Variants in TRANK1 observed in about 807,000 individuals in gnomAD.
TRANK1 encodes tetratricopeptide repeat and ankyrin repeat containing 1.
A neutral mutation model predicts 266.0 loss-of-function variants in TRANK1; 198 were observed. The ratio of observed to expected loss-of-function variants is 0.74; its 90% CI spans 0.66 to 0.84. TRANK1 has a LOEUF of 0.84. Among genes scored for constraint, TRANK1 ranks in the 40% least tolerant of loss-of-function variants. TRANK1 has a pLI of 0.00. For synonymous variants in TRANK1, 1,396 were observed against 1,384.1 expected (o/e 1.01, Z -0.19); for missense variants, 3,326 against 3,634.6 (o/e 0.92, Z 2.18).
At position 36,833,869 on chromosome 3, in the gene TRANK1, T is replaced by C. The variant is rs2078732733; in HGVS notation, c.5714A>G (p.Tyr1905Cys). Residue 1905 changes from tyrosine (Y) to cysteine (C), a missense_variant, in exon 22 of 24, where the codon TAT becomes TGT. Coordinates refer to ENST00000645898, the MANE Select transcript of TRANK1 (RefSeq NM_001329998.2). The stretch of plus-strand genomic sequence containing the variant: ...TTCCAAGTAAAACTGACTGGCAGAA[T>C]AGGAGAGCTTGGAAATGGGAAGGGT... ...TKTLPISKLS[Y>C]SASQFYLEAA... 6.2e-7 allele frequency: 1 copy of C among 1,613,860 alleles called. No homozygotes were observed. Among genetic ancestry groups the C allele is most frequent in the Non-Finnish European group, 8.5e-7 (1 of 1,179,880 alleles).
intron 23 of TRANK1, 78 bp downstream of exon 23, chr3:36,829,486 G>A (rs1375138625): frequency 2.0e-6 from 3 of 1,467,570 alleles, no homozygotes; most frequent in Non-Finnish European, 2.8e-6. Context: ...CCCCACTTCA[G>A]ATTCCCCCCG....
At chr3:36,932,607 CAG>C (rs2080375152) in intron 1 of TRANK1, among the ~76,000 whole-genome samples, 1 of 152,160 alleles carries the variant, frequency 6.6e-6, no homozygotes, top group Non-Finnish European at 1.5e-5. Flanking sequence ...TTAGAGCTAT[CAG>C]AGTGTCAAAA....
At chr3:36,852,406 T>C in intron 13 of TRANK1, 61 bp from the exon 14 acceptor site, 1 of 1,446,332 alleles carries the variant, frequency 6.9e-7, no homozygotes, top group Non-Finnish European at 9.2e-7. Flanking sequence ...TTTTTGGTTA[T>C]TTGGGGTGGG....
In TRANK1 at chr3:36,832,396, T is replaced by C; in HGVS notation, c.7187A>G (p.Asp2396Gly). The C allele has an allele frequency of 6.2e-7, 1 of 1,614,060 alleles. No individual in the cohort carries two copies. The highest frequency in any genetic ancestry group is 8.5e-7 in the Non-Finnish European group (1 of 1,179,900). ...KFGMLAPNRD[D>G]ENMDKTHLCF... The stretch of plus-strand genomic sequence containing the variant: ...CAGGTGGGTCTTGTCCATATTTTCA[T>C]CATCCCTGTTGGGTGCCAGCATGCC... Residue 2396 changes from aspartate (D) to glycine (G), a missense_variant, in exon 22 of 24, where the codon GAT becomes GGT. Transcript: ENST00000645898.
In TRANK1 at chr3:36,856,623, G is replaced by T. The variant is rs571848460; in HGVS notation, c.3099C>A (p.Ser1033Arg). The change falls in exon 13 of 24, where the codon AGC becomes AGA. Residue 1033 changes from serine to arginine, a missense_variant. Physicochemically the swap from Ser to Arg is moderately radical, Grantham distance 110. Coordinates refer to ENST00000645898, the MANE Select transcript of TRANK1 (RefSeq NM_001329998.2). ...TGAGGATGTTAAAGGCCATGTTGGT[G>T]CTGAAGCTGTGGAACTTCATGATGT... ...EYNIMKFHSF[S>R]TNMAFNILND... 6.2e-7 allele frequency: 1 copy of T among 1,614,020 alleles called. No individual in the cohort carries two copies. Among genetic ancestry groups the T allele is most frequent in the Admixed American group, 1.7e-5 (1 of 60,014 alleles).
intron 1 of TRANK1, among the ~76,000 whole-genome samples, chr3:36,914,285 C>T (rs2080094804): frequency 6.6e-6 from 1 of 151,982 alleles, no homozygotes. Flanking sequence ...AGGCGCACGC[C>T]ACCATGCCAG....
At chr3:36,914,700 C>T (rs760928690) in intron 1 of TRANK1, among the ~76,000 whole-genome samples, 1 of 151,872 alleles carries the variant, frequency 6.6e-6, no homozygotes, top group Non-Finnish European at 1.5e-5. Flanking sequence ...TGCAATGGCG[C>T]GATCTCGGCT....
chr3:36,827,796 C>T lies in TRANK1; in HGVS notation c.*479G>A, dbSNP rs1409073031. 6.5e-6 allele frequency: 1 copy of T among 153,930 alleles called. No homozygotes were observed. The highest frequency in any genetic ancestry group is 1.4e-5 in the Non-Finnish European group (1 of 69,062). The allele number at this position is 153,930 out of a possible 1,614,324, so 9.5% of individuals were successfully genotyped here. On this transcript the variant is annotated 3_prime_UTR_variant, in exon 24 of 24. Coordinates refer to ENST00000645898, the MANE Select transcript of TRANK1 (RefSeq NM_001329998.2). Reference sequence around the variant, plus strand: ...TCGGGGTGGCCAGTGGCAGGGCCCACCCCTGGGCACATACAGCTCTCATAG... The same window carrying T: ...TCGGGGTGGCCAGTGGCAGGGCCCATCCCTGGGCACATACAGCTCTCATAG...
At chr3:36,860,408 C>T (rs780158966) in intron 11 of TRANK1, among the ~76,000 whole-genome samples, 11 of 152,188 alleles carry the variant, frequency 7.2e-5, no homozygotes, top group African/African-American at 1.4e-4. Flanking sequence ...CACCCAGCCA[C>T]GCATGATAGT....
intron 18 of TRANK1, among the ~76,000 whole-genome samples, chr3:36,839,854 C>CT (rs1188718778): frequency 6.6e-6 from 1 of 152,162 alleles, no homozygotes. Context: ...AAGGGGCATT[C>CT]TAAAAACCCT....
intron 1 of TRANK1, among the ~76,000 whole-genome samples, chr3:36,909,371 G>T (rs529721954): frequency 6.6e-6 from 1 of 152,282 alleles, no homozygotes; most frequent in African/African-American, 2.4e-5. Flanking sequence ...CCACATGGGG[G>T]GCCTTGGTAA....
At chr3:36,926,962 CA>C (rs766860477) in intron 1 of TRANK1, among the ~76,000 whole-genome samples, 9 of 152,192 alleles carry the variant, frequency 5.9e-5, no homozygotes. Flanking sequence ...AGTTTATTTG[CA>C]CCTTGTATTG....
Position 36,858,791 on chromosome 3 carries a change from G to T in TRANK1, c.1599C>A (p.Asp533Glu), listed in dbSNP as rs933849433. 1.3e-6 allele frequency: 2 copies of T among 1,537,148 alleles called. No individual in the cohort carries two copies. Among genetic ancestry groups the T allele is most frequent in the East Asian group, 2.4e-5 (1 of 40,934 alleles). ...LAFLLLTKGA[D>E]PRAISLTEGD... ...CTTCCGTGAGAGAAATAGCACGGGG[G>T]TCTGCGCCCTTGGTCAAGAGAAGGA... Residue 533 changes from aspartate to glutamate, a missense_variant, in exon 12 of 24, where the codon GAC (aspartate) becomes GAA (glutamate). Coordinates refer to ENST00000645898, the MANE Select transcript of TRANK1 (RefSeq NM_001329998.2).
At position 36,846,981 on chromosome 3, in the gene TRANK1, G is replaced by A. The variant is rs58557581; in HGVS notation, c.5034+219C>T. ...TAGAAAGGACAACCCTTCTCCTTCCGTTTTCAGACAGTATCCACCCATCAA... is the reference window on the plus strand; with the variant it reads ...TAGAAAGGACAACCCTTCTCCTTCCATTTTCAGACAGTATCCACCCATCAA... On this transcript the variant is annotated intron_variant, in intron 16 of 23. Transcript: ENST00000645898. Among the ~76,000 whole-genome samples the A allele has an allele frequency of 1.8e-4, 27 of 152,050 alleles. No homozygotes were observed. In the East Asian group the frequency reaches 4.8e-3, roughly 27 times the overall value.
intron 6 of TRANK1, 27 bp downstream of exon 6, chr3:36,892,874 T>TATAG: frequency 1.2e-6 from 1 of 824,568 alleles, no homozygotes; most frequent in Non-Finnish European, 1.6e-6. Context: ...TATATATAGA[T>TATAG]ATATATAGAT....
chr3:36,832,644 A>C lies in TRANK1; in HGVS notation c.6939T>G (p.Phe2313Leu). ...YRFALKEYIH[F>L]LFENESARNR... ...TGCGTGCGCTTTCATTTTCAAACAGAAAGTGGATGTACTCCTTCAAAGCAA... is the reference window on the plus strand; with the variant it reads ...TGCGTGCGCTTTCATTTTCAAACAGCAAGTGGATGTACTCCTTCAAAGCAA... Residue 2313 changes from phenylalanine (F) to leucine (L), a missense_variant, in exon 22 of 24, where the codon TTT becomes TTG. Coordinates refer to ENST00000645898, the MANE Select transcript of TRANK1 (RefSeq NM_001329998.2). 1 of 1,613,978 alleles carries C rather than the reference A, an allele frequency of 6.2e-7. No homozygotes were observed. Among genetic ancestry groups the C allele is most frequent in the East Asian group, 2.2e-5 (1 of 44,872 alleles).
At chr3:36,913,814 C>A (rs914401589) in intron 1 of TRANK1, among the ~76,000 whole-genome samples, 3 of 151,716 alleles carry the variant, frequency 2.0e-5, no homozygotes, top group East Asian at 3.9e-4. Context: ...CTTGCCACCA[C>A]CCCCCTCAGC....
chr3:36,908,399 T>G lies in TRANK1; in HGVS notation c.79A>C (p.Lys27Gln). 8.1e-7 allele frequency: 1 copy of G among 1,232,220 alleles called. No homozygotes were observed. 76.3% of individuals were successfully genotyped at this position (1,232,220 alleles called of 1,614,324 possible). A position where few individuals can be genotyped will look rare whatever the true frequency, so the allele number is the denominator to read the frequency against. Reference sequence around the variant, plus strand: ...ATGGCCAAAGAGAAGTTCCCATTCTTAAGAACCTGGTTGCCGGATTCTTTC... The same window carrying G: ...ATGGCCAAAGAGAAGTTCCCATTCTGAAGAACCTGGTTGCCGGATTCTTTC... Reference protein sequence around the residue: ...LLKESGNQVLKNGNFSLAIRK... With the variant: ...LLKESGNQVLQNGNFSLAIRK... Residue 27 changes from lysine (K) to glutamine (Q), a missense_variant, in exon 2 of 24, where the codon AAG becomes CAG. Coordinates refer to ENST00000645898, the MANE Select transcript of TRANK1 (RefSeq NM_001329998.2).
At chr3:36,889,520 A>T (rs1374173100) in intron 8 of TRANK1, among the ~76,000 whole-genome samples, 1 of 152,226 alleles carries the variant, frequency 6.6e-6, no homozygotes, top group Admixed American at 6.5e-5. Context: ...TAAAATGAGT[A>T]ACCATGTGAT....
Sources: allele counts gnomAD v4.1 joint callset (sites outside exome capture counted in the v4.1 genomes callset), GRCh38; gene constraint gnomAD v4.1.1; transcripts MANE v1.5; gene names NCBI Gene and HGNC (gene_info 2026-07-23, HGNC 2026-07-21).